The following DAB1 variants were observed in gnomAD, a reference collection of about 807,000 sequenced individuals.
DAB1 encodes DAB adaptor protein 1.
DAB1 carries 15 observed loss-of-function variants against 64.6 expected under a neutral mutation model. The observed-to-expected ratio is 0.23, with a 90% CI of 0.16 to 0.36. The LOEUF is 0.36. Among genes scored for constraint, DAB1 ranks in the 10% least tolerant of loss-of-function variants. DAB1 has a pLI of 1.00. For synonymous variants in DAB1, 235 were observed against 251.9 expected, an observed-to-expected ratio of 0.93 and a Z score of 0.64; for missense variants, 596 against 706.7, an observed-to-expected ratio of 0.84 and a Z score of 1.78.
chr1:58,107,621 T>C (rs1381898460), intron 5 of DAB1, among the ~76,000 whole-genome samples: 1 of 151,986 alleles, frequency 6.6e-6, no homozygotes, highest in Non-Finnish European at 1.5e-5. Context: ...GTTTTTGTTT[T>C]TGTTTTGTTT....
At chr1:58,363,467 G>A (rs1184514982) in intron 3 of DAB1, among the ~76,000 whole-genome samples, 1 of 152,144 alleles carries the variant, frequency 6.6e-6, no homozygotes, top group East Asian at 1.9e-4. Flanking sequence ...AGGGAATAAC[G>A]GTAAATAAGT....
At chr1:58,151,216 G>A (rs565575893) in intron 4 of DAB1, among the ~76,000 whole-genome samples, 2 of 152,326 alleles carry the variant, frequency 1.3e-5, no homozygotes, top group African/African-American at 4.8e-5. Flanking sequence ...CCAGTAATGG[G>A]ATGGCTGGGT....
chr1:58,413,969 G>C (rs1187770809), intron 3 of DAB1, among the ~76,000 whole-genome samples: 8 of 152,200 alleles, frequency 5.3e-5, no homozygotes, highest in Admixed American at 4.6e-4. Flanking sequence ...CACACCTAGA[G>C]TATATGGTGT....
intron 4 of DAB1, among the ~76,000 whole-genome samples, chr1:58,320,837 C>T (rs1384975538): frequency 1.3e-5 from 2 of 152,204 alleles, no homozygotes; most frequent in African/African-American, 4.8e-5. Context: ...CCAGATCCCA[C>T]ATCAGCTGAT....
chr1:57,569,866 T>G (rs1438260043), intron 7 of DAB1, among the ~76,000 whole-genome samples: 1 of 152,198 alleles, frequency 6.6e-6, no homozygotes, highest in Non-Finnish European at 1.5e-5. Flanking sequence ...GTATTTGGGT[T>G]GGGGATTGGT....
chr1:57,552,760 A>C (rs1307435202), intron 7 of DAB1, among the ~76,000 whole-genome samples: 1 of 152,090 alleles, frequency 6.6e-6, no homozygotes, highest in Non-Finnish European at 1.5e-5. Context: ...GCTAGTGAGC[A>C]AGTACTTTAG....
intron 3 of DAB1, chr1:58,480,881 T>C: frequency 7.0e-6 from 5 of 714,596 alleles, no homozygotes; most frequent in Non-Finnish European, 1.2e-5. Flanking sequence ...TTTTTTTCAC[T>C]TCAAACATCA....
intron 6 of DAB1, among the ~76,000 whole-genome samples, chr1:57,796,955 T>C (rs529004804): frequency 6.6e-6 from 1 of 152,348 alleles, no homozygotes; most frequent in Admixed American, 6.5e-5. Context: ...GTGGTTTGAA[T>C]GCTGGCTTCC....
At chr1:58,447,898 G>A (rs763567163) in intron 3 of DAB1, among the ~76,000 whole-genome samples, 1 of 151,824 alleles carries the variant, frequency 6.6e-6, no homozygotes, top group African/African-American at 2.4e-5. Context: ...AAGACTGGAG[G>A]AGGCAGAGTT....
chr1:57,524,126 GA>G (rs1415189091), intron 7 of DAB1, among the ~76,000 whole-genome samples: 1 of 152,048 alleles, frequency 6.6e-6, no homozygotes, highest in African/African-American at 2.4e-5. Flanking sequence ...ATCAACTCAG[GA>G]AACAAAGATC....
rs558141018 is a variant in DAB1 at position 57,551,467 on chromosome 1, A to G, written n.625+98125T>C. On this transcript the variant is annotated intron_variant and non_coding_transcript_variant, in intron 7 of 20. Transcript: ENST00000485760. Reference sequence around the variant, plus strand: ...TTACAAGGAGGCTGAGTCAGGTCTTACTGACTCAGATTCATTGGAGCCTTC... The same window carrying G: ...TTACAAGGAGGCTGAGTCAGGTCTTGCTGACTCAGATTCATTGGAGCCTTC... Among the ~76,000 whole-genome samples the G allele has an allele frequency of 1.1e-4, 17 of 152,280 alleles. No individual in the cohort carries two copies. The East Asian group carries it at 3.3e-3, about 29-fold the overall frequency.
At chr1:58,279,925 C>T (rs895509766) in intron 4 of DAB1, among the ~76,000 whole-genome samples, 10 of 152,006 alleles carry the variant, frequency 6.6e-5, no homozygotes, top group Admixed American at 2.0e-4. Flanking sequence ...CTCATAGAAA[C>T]GAGTGTTTGG....
At chr1:57,711,738 C>A (rs1246403265) in intron 6 of DAB1, among the ~76,000 whole-genome samples, 1 of 152,172 alleles carries the variant, frequency 6.6e-6, no homozygotes, top group Non-Finnish European at 1.5e-5. Flanking sequence ...TTCAGTTAAA[C>A]AGCTGTTTCC....
intron 7 of DAB1, among the ~76,000 whole-genome samples, chr1:57,533,391 G>A (rs2101423135): frequency 6.6e-6 from 1 of 150,392 alleles, no homozygotes; most frequent in East Asian, 2.0e-4. Context: ...AAAGTTTAAT[G>A]ATTTTTTTTT....
chr1:57,760,258 C>A (rs116323397), intron 6 of DAB1, among the ~76,000 whole-genome samples: 3,911 of 152,266 alleles, frequency 0.026, 83 homozygotes, highest in Non-Finnish European at 0.036. Flanking sequence ...CACCCAGATA[C>A]ATGGTAATAT....
At chr1:57,642,975 CTTGTAAGATAG>C (rs1558569231) in intron 7 of DAB1, among the ~76,000 whole-genome samples, 1 of 152,188 alleles carries the variant, frequency 6.6e-6, no homozygotes, top group Non-Finnish European at 1.5e-5. Context: ...TTGTTTGATG[CTTGTAAGATAG>C]GCAGGATGTG....
intron 3 of DAB1, among the ~76,000 whole-genome samples, chr1:58,402,863 C>A (rs1261392798): frequency 6.6e-6 from 1 of 152,138 alleles, no homozygotes; most frequent in African/African-American, 2.4e-5. Flanking sequence ...AAGTCAAATA[C>A]CCCCATGAGG....
intron 3 of DAB1, among the ~76,000 whole-genome samples, chr1:58,363,560 G>C (rs557744375): frequency 6.6e-6 from 1 of 152,322 alleles, no homozygotes; most frequent in South Asian, 2.1e-4. Flanking sequence ...TACAGGTTAG[G>C]GGACTTTGCA....
chr1:57,359,858 C>T (rs948944025), intron 1 of DAB1, among the ~76,000 whole-genome samples: 3 of 151,970 alleles, frequency 2.0e-5, no homozygotes, highest in African/African-American at 7.2e-5. Context: ...ATTATATCCC[C>T]TCACTAACAT....
Sources: allele counts gnomAD v4.1 joint callset (sites outside exome capture counted in the v4.1 genomes callset), GRCh38; gene constraint gnomAD v4.1.1; transcripts MANE v1.5; gene names NCBI Gene and HGNC (gene_info 2026-07-23, HGNC 2026-07-21).